TXNDC16: variants seen among roughly 807,000 people sequenced by gnomAD.
The protein encoded by TXNDC16 is thioredoxin domain-containing protein 16.
TXNDC16 carries 74 observed loss-of-function variants against 85.6 expected under a neutral mutation model. That is an observed-to-expected ratio of 0.86 (90% CI 0.72 to 1.05). The LOEUF (loss-of-function observed/expected upper bound fraction) is 1.05, where lower values mean the gene tolerates loss of function less well. TXNDC16 is among the 50% of genes least tolerant of loss of function. The probability of loss-of-function intolerance (pLI) is 0.00; values close to 1 mark genes in which losing one functional copy is unlikely to be tolerated. For missense variants in TXNDC16, 959 were observed against 947.0 expected, an observed-to-expected ratio of 1.01 and a Z score of -0.17; for synonymous variants, 335 against 326.5, an observed-to-expected ratio of 1.03 and a Z score of -0.28.
At chr14:52,543,321 A>G in intron 3 of TXNDC16, 77 bp downstream of exon 3, 2 of 1,463,640 alleles carry the variant, frequency 1.4e-6, no homozygotes, top group Non-Finnish European at 1.9e-6. Flanking sequence ...TCTTAACAGA[A>G]ATTTCCCACT....
intron 8 of TXNDC16, among the ~76,000 whole-genome samples, chr14:52,513,696 TATATA>T (rs1291466546): frequency 4.0e-5 from 6 of 151,504 alleles, no homozygotes; most frequent in African/African-American, 1.5e-4. Flanking sequence ...TATATACACA[TATATA>T]TTATATATAT....
At chr14:52,545,234 C>T (rs1371117528) in intron 1 of TXNDC16, among the ~76,000 whole-genome samples, 1 of 151,946 alleles carries the variant, frequency 6.6e-6, no homozygotes, top group Non-Finnish European at 1.5e-5. Flanking sequence ...CTCTTTTCAC[C>T]TAGAATGTAT....
At chr14:52,512,573 GCTGGACTCCATAACACAGCCT>G (rs964127640) in intron 8 of TXNDC16, among the ~76,000 whole-genome samples, 2 of 152,090 alleles carry the variant, frequency 1.3e-5, no homozygotes, top group African/African-American at 4.8e-5. Flanking sequence ...CCTAGTTAAG[GCTGGACTCCATAACACAGCCT>G]CTGAAACAAC....
At chr14:52,433,427 A>C (rs1204013105) in intron 20 of TXNDC16, among the ~76,000 whole-genome samples, 1 of 152,210 alleles carries the variant, frequency 6.6e-6, no homozygotes, top group Non-Finnish European at 1.5e-5. Context: ...TATATAAGGA[A>C]ATGTACAAAG....
At chr14:52,462,753 A>T (rs768510511) in intron 16 of TXNDC16, 10 of 354,670 alleles carry the variant, frequency 2.8e-5, no homozygotes, top group Non-Finnish European at 4.4e-5. Context: ...TCATTTTTAA[A>T]TGTACTTCTA....
chr14:52,499,016 T>A (rs1471255199), intron 9 of TXNDC16, among the ~76,000 whole-genome samples: 2 of 152,176 alleles, frequency 1.3e-5, no homozygotes, highest in East Asian at 3.9e-4. Context: ...CAAATAAACC[T>A]TCATGTATAT....
intron 20 of TXNDC16, among the ~76,000 whole-genome samples, chr14:52,435,690 G>A (rs543435331): frequency 2.4e-4 from 36 of 152,302 alleles, no homozygotes; most frequent in African/African-American, 8.2e-4. Flanking sequence ...GCCAGGTGCA[G>A]TGGCTCATGC....
intron 9 of TXNDC16, among the ~76,000 whole-genome samples, chr14:52,505,724 A>G (rs1174473961): frequency 1.3e-5 from 2 of 152,236 alleles, no homozygotes; most frequent in African/African-American, 2.4e-5. Context: ...TCAGAGCAGC[A>G]GAGCAGAACT....
rs1343894413 is a variant in TXNDC16, at chr14:52,502,742, C to G, written c.756+8498G>C. 2.0e-4 allele frequency among the ~76,000 whole-genome samples: 31 copies of G among 152,088 alleles called. 1 individual carries two copies. Among genetic ancestry groups the G allele is most frequent in the Admixed American group, 2.0e-3 (31 of 15,278 alleles). On this transcript the variant is annotated intron_variant, in intron 9 of 20. Transcript: ENST00000281741. The stretch of plus-strand genomic sequence containing the variant: ...AACAGTGGGTGCAGGACAGTCGGTA[C>G]AGCGCACCGAGCGTGACCCGAAGCA...
chr14:52,458,589 T>C (rs1486515305), intron 16 of TXNDC16, among the ~76,000 whole-genome samples: 3 of 152,134 alleles, frequency 2.0e-5, no homozygotes, highest in Non-Finnish European at 4.4e-5. Flanking sequence ...AGAAAATTTA[T>C]TAAAATATTT....
At chr14:52,490,589 T>G (rs191160330) in intron 10 of TXNDC16, 138 bp from the exon 11 acceptor site, 1 of 801,308 alleles carries the variant, frequency 1.2e-6, no homozygotes, top group Admixed American at 3.6e-5. Context: ...CTGAAAAATT[T>G]TACACGTAAA....
chr14:52,446,953 T>A (rs2035298834), intron 18 of TXNDC16, among the ~76,000 whole-genome samples: 1 of 150,236 alleles, frequency 6.7e-6, no homozygotes, highest in Non-Finnish European at 1.5e-5. Context: ...ACTTGCTGAC[T>A]TCAGGTGAGA....
At chr14:52,541,794 T>C (rs1171547928) in intron 4 of TXNDC16, among the ~76,000 whole-genome samples, 1 of 152,208 alleles carries the variant, frequency 6.6e-6, no homozygotes, top group African/African-American at 2.4e-5. Context: ...TACATATCTA[T>C]CTAATCCATG....
intron 6 of TXNDC16, among the ~76,000 whole-genome samples, chr14:52,528,837 A>C (rs1181662115): frequency 4.8e-5 from 7 of 146,490 alleles, no homozygotes; most frequent in Non-Finnish European, 1.1e-4. Flanking sequence ...CTAGGTATAT[A>C]TATATATATG....
intron 6 of TXNDC16, among the ~76,000 whole-genome samples, chr14:52,525,194 A>G (rs2037299115): frequency 6.6e-6 from 1 of 152,040 alleles, no homozygotes; most frequent in African/African-American, 2.4e-5. Context: ...ATGAACTCAC[A>G]TTTGTTTTTT....
chr14:52,545,622 A>C (rs2037925523), intron 1 of TXNDC16, among the ~76,000 whole-genome samples: 1 of 152,230 alleles, frequency 6.6e-6, no homozygotes, highest in African/African-American at 2.4e-5. Context: ...AAATAAATGA[A>C]AGAGAACTAA....
chr14:52,502,452 T>C (rs940830515), intron 9 of TXNDC16, among the ~76,000 whole-genome samples: 14 of 152,272 alleles, frequency 9.2e-5, no homozygotes, highest in East Asian at 1.9e-4. Context: ...CAAGGGGCTG[T>C]TGTTCCTACA....
At chr14:52,501,948 C>A (rs747996908) in intron 9 of TXNDC16, among the ~76,000 whole-genome samples, 16 of 152,202 alleles carry the variant, frequency 1.1e-4, no homozygotes, top group Non-Finnish European at 2.1e-4. Flanking sequence ...CCTTAGCCAC[C>A]CGCCAATAGT....
rs183747164 is a variant in TXNDC16 at position 52,506,359 on chromosome 14, C to G, written c.756+4881G>C. Reference sequence around the variant, plus strand: ...TGGCAAACCAAATCCAGCAGCACATCAAAAAGCTTATCCACCATGATCAAG... The same window carrying G: ...TGGCAAACCAAATCCAGCAGCACATGAAAAAGCTTATCCACCATGATCAAG... On this transcript the variant is annotated intron_variant, in intron 9 of 20. Transcript: ENST00000281741. Among the ~76,000 whole-genome samples the G allele has an allele frequency of 4.9e-3, 738 of 152,152 alleles. 14 individuals are homozygous for G. Among genetic ancestry groups the G allele is most frequent in the Admixed American group, 0.039 (599 of 15,280 alleles).
Sources: allele counts gnomAD v4.1 joint callset (sites outside exome capture counted in the v4.1 genomes callset), GRCh38; gene constraint gnomAD v4.1.1; transcripts MANE v1.5; gene names NCBI Gene and HGNC (gene_info 2026-07-23, HGNC 2026-07-21).